The following TXNL4A variants were observed in gnomAD, a reference collection of about 807,000 sequenced individuals.
The protein encoded by TXNL4A is thioredoxin-like protein 4A.
A neutral mutation model predicts 14.6 loss-of-function variants in TXNL4A; 17 were observed. The ratio of observed to expected loss-of-function variants is 1.16; its 90% CI spans 0.80 to 1.74. TXNL4A has a LOEUF of 1.74. Among genes scored for constraint, TXNL4A ranks in the 40% most tolerant of loss-of-function variants. TXNL4A has a pLI of 0.00. For synonymous variants in TXNL4A, 83 were observed against 70.6 expected, an observed-to-expected ratio of 1.18 and a Z score of -0.88; for missense variants, 74 against 195.2, an observed-to-expected ratio of 0.38 and a Z score of 3.70.
intron 1 of TXNL4A, among the ~76,000 whole-genome samples, chr18:80,032,269 G>A (rs1167202150): frequency 6.6e-6 from 1 of 152,138 alleles, no homozygotes; most frequent in Non-Finnish European, 1.5e-5. Flanking sequence ...CAGGTGGGAA[G>A]AAAGGAGGAA....
At chr18:79,984,914 G>A (rs529171845) in intron 1 of TXNL4A, among the ~76,000 whole-genome samples, 5 of 152,196 alleles carry the variant, frequency 3.3e-5, no homozygotes, top group Non-Finnish European at 7.4e-5. Flanking sequence ...AAAATGGAAA[G>A]ACAGCTCAAA....
chr18:79,994,802 T>C (rs1439131709), intron 1 of TXNL4A: 1 of 152,210 alleles, frequency 6.6e-6, no homozygotes, highest in African/African-American at 2.4e-5. Flanking sequence ...ACCCCCACTC[T>C]ACCCCTAACC....
chr18:79,987,512 C>T (rs1382150484), intron 1 of TXNL4A, among the ~76,000 whole-genome samples: 1 of 152,100 alleles, frequency 6.6e-6, no homozygotes, highest in Non-Finnish European at 1.5e-5. Context: ...GTATTTGTGC[C>T]CTTTGCCCTA....
chr18:79,994,148 C>A (rs572383560), intron 1 of TXNL4A, among the ~76,000 whole-genome samples: 1 of 152,186 alleles, frequency 6.6e-6, no homozygotes, highest in Non-Finnish European at 1.5e-5. Context: ...AAAATACTTA[C>A]GGCAAATTGT....
chr18:80,029,904 T>C (rs2051910354), intron 1 of TXNL4A, among the ~76,000 whole-genome samples: 1 of 152,218 alleles, frequency 6.6e-6, no homozygotes, highest in Non-Finnish European at 1.5e-5. Flanking sequence ...AGAATTCCTT[T>C]CATAGTGTGC....
intron 1 of TXNL4A, among the ~76,000 whole-genome samples, chr18:80,012,247 A>T (rs2051774957): frequency 1.3e-5 from 2 of 152,152 alleles, no homozygotes; most frequent in South Asian, 4.1e-4. Context: ...TGGTTTTTCT[A>T]ATATAGGATT....
intron 1 of TXNL4A, among the ~76,000 whole-genome samples, chr18:79,978,306 A>T (rs1182760792): frequency 6.6e-6 from 1 of 152,210 alleles, no homozygotes; most frequent in Non-Finnish European, 1.5e-5. Context: ...ATACCTGTAG[A>T]ATCCTGCCAT....
chr18:79,990,696 A>AT (rs2051621301), upstream of TXNL4A, among the ~76,000 whole-genome samples: 1 of 152,224 alleles, frequency 6.6e-6, no homozygotes, highest in Non-Finnish European at 1.5e-5. Flanking sequence ...ATTGAAACTC[A>AT]TTTTTTATTG....
At chr18:80,023,285 A>G (rs1212851227) in intron 1 of TXNL4A, among the ~76,000 whole-genome samples, 3 of 152,178 alleles carry the variant, frequency 2.0e-5, no homozygotes, top group South Asian at 2.1e-4. Flanking sequence ...TTGTTTACAA[A>G]TAGGACATGT....
chr18:80,007,313 G>C (rs975730202), intron 1 of TXNL4A, among the ~76,000 whole-genome samples: 1 of 152,140 alleles, frequency 6.6e-6, no homozygotes, highest in East Asian at 1.9e-4. Context: ...CACAATTTCT[G>C]TCCTTTTTAA....
upstream of TXNL4A, among the ~76,000 whole-genome samples, chr18:79,992,755 C>T (rs1014995222): frequency 6.6e-5 from 10 of 152,130 alleles, no homozygotes; most frequent in Non-Finnish European, 1.5e-4. Flanking sequence ...GTGCAGTCAT[C>T]CCCCTGCCTA....
At chr18:80,016,459 A>T (rs556716451) in intron 1 of TXNL4A, among the ~76,000 whole-genome samples, 4 of 151,400 alleles carry the variant, frequency 2.6e-5, no homozygotes, top group Non-Finnish European at 4.4e-5. Flanking sequence ...CTGAATGGTA[A>T]TGCCTAGGTT....
At chr18:79,977,431 A>G (rs1266943003) in intron 2 of TXNL4A, 167 bp downstream of exon 2, 1 of 591,102 alleles carries the variant, frequency 1.7e-6, no homozygotes, top group Non-Finnish European at 3.0e-6. Flanking sequence ...TGTTACTTTG[A>G]AAATTATTTC....
chr18:80,033,086 T>A (rs1392074600), intron 1 of TXNL4A, among the ~76,000 whole-genome samples: 1 of 152,186 alleles, frequency 6.6e-6, no homozygotes, highest in African/African-American at 2.4e-5. Context: ...ACCTGTCTCC[T>A]GGGTGCGTCC....
chr18:80,018,150 G>A lies in TXNL4A; in HGVS notation c.-61+15701C>T, dbSNP rs191690214. ...AACAAACTGTCTCTCAGACCACAGT[G>A]CAATCAAACTAGAACTCAGGATTAA... is the stretch of plus-strand genomic sequence containing the variant. On this transcript the variant is annotated intron_variant, in intron 1 of 2. Transcript: ENST00000585474. 2.4e-3 allele frequency among the ~76,000 whole-genome samples: 358 copies of A among 152,254 alleles called. 3 individuals are homozygous for A. Among genetic ancestry groups the A allele is most frequent in the Middle Eastern group, 6.8e-3 (2 of 294 alleles).
chr18:79,975,197 C>G (rs1416487302), intron 2 of TXNL4A, among the ~76,000 whole-genome samples: 1 of 152,162 alleles, frequency 6.6e-6, no homozygotes, highest in Non-Finnish European at 1.5e-5. Context: ...TCTTCAGAAC[C>G]CCCTGCTAAT....
At chr18:80,012,990 G>C (rs1026268183) in intron 1 of TXNL4A, among the ~76,000 whole-genome samples, 1 of 151,826 alleles carries the variant, frequency 6.6e-6, no homozygotes, top group African/African-American at 2.4e-5. Flanking sequence ...CCTGCTTCTG[G>C]GTCGGGGTTT....
At chr18:79,985,358 T>A (rs982784084) in intron 1 of TXNL4A, among the ~76,000 whole-genome samples, 1 of 152,012 alleles carries the variant, frequency 6.6e-6, no homozygotes, top group African/African-American at 2.4e-5. Flanking sequence ...TGGACTCATA[T>A]CCTCCCACCT....
At chr18:80,008,641 G>A (rs139472348) in intron 1 of TXNL4A, among the ~76,000 whole-genome samples, 108 of 151,378 alleles carry the variant, frequency 7.1e-4, no homozygotes, top group African/African-American at 2.5e-3. Context: ...GCTTCCCCCC[G>A]TTCTCCTCCA....
Sources: allele counts gnomAD v4.1 joint callset (sites outside exome capture counted in the v4.1 genomes callset), GRCh38; gene constraint gnomAD v4.1.1; transcripts MANE v1.5; gene names NCBI Gene and HGNC (gene_info 2026-07-23, HGNC 2026-07-21).